FBXW11: variants seen among roughly 807,000 people sequenced by gnomAD.
FBXW11 encodes the protein F-box and WD repeat domain containing 11.
A neutral mutation model predicts 77.6 loss-of-function variants in FBXW11; 19 were observed. The ratio of observed to expected loss-of-function variants is 0.24; its 90% CI spans 0.17 to 0.36. The LOEUF (loss-of-function observed/expected upper bound fraction) is 0.36, where lower values mean the gene tolerates loss of function less well. FBXW11 is among the 10% of genes least tolerant of loss of function. The pLI is 1.00. For synonymous variants in FBXW11, 235 were observed against 249.4 expected (o/e 0.94, Z 0.54); for missense variants, 334 against 704.2 (o/e 0.47, Z 5.95).
At chr5:171,870,970 C>G (rs183819980) in intron 10 of FBXW11, 112 bp from the exon 11 acceptor site, 1 of 674,566 alleles carries the variant, frequency 1.5e-6, no homozygotes, top group Non-Finnish European at 2.6e-6. Context: ...TCTTGGAGCT[C>G]TTTATTTCTA....
intron 2 of FBXW11, among the ~76,000 whole-genome samples, chr5:171,932,133 C>T (rs1762241004): frequency 6.6e-6 from 1 of 152,140 alleles, no homozygotes; most frequent in South Asian, 2.1e-4. Flanking sequence ...CCTCAGCCTC[C>T]CAAAGTGCTG....
chr5:171,892,195 G>C (rs1166665282), intron 6 of FBXW11, among the ~76,000 whole-genome samples: 1 of 152,174 alleles, frequency 6.6e-6, no homozygotes, highest in African/African-American at 2.4e-5. Flanking sequence ...TAGTGTGCTA[G>C]GCACTGAGGA....
intron 2 of FBXW11, among the ~76,000 whole-genome samples, chr5:171,920,250 C>T (rs924617929): frequency 2.0e-5 from 3 of 152,028 alleles, no homozygotes; most frequent in Non-Finnish European, 4.4e-5. Context: ...GTGGAAGTAG[C>T]GTAAGCTTCC....
chr5:171,941,984 G>A (rs565883935), intron 2 of FBXW11, among the ~76,000 whole-genome samples: 2 of 150,872 alleles, frequency 1.3e-5, no homozygotes, highest in East Asian at 4.0e-4. Flanking sequence ...AGTTTGAAGT[G>A]TTAGGTAATA....
intron 1 of FBXW11, among the ~76,000 whole-genome samples, chr5:171,991,382 T>C (rs907945589): frequency 7.2e-5 from 11 of 152,214 alleles, no homozygotes; most frequent in African/African-American, 2.7e-4. Flanking sequence ...AGCATCTCAA[T>C]AATTCTAACA....
chr5:171,982,827 C>T (rs554993623), intron 1 of FBXW11, among the ~76,000 whole-genome samples: 2 of 152,146 alleles, frequency 1.3e-5, no homozygotes, highest in South Asian at 2.1e-4. Flanking sequence ...ACCCGAGGCA[C>T]GACTCTAATC....
At chr5:171,890,482 C>T (rs981419060) in intron 7 of FBXW11, among the ~76,000 whole-genome samples, 5 of 88,842 alleles carry the variant, frequency 5.6e-5, no homozygotes, top group Admixed American at 4.8e-4. Flanking sequence ...AGAGAGACTC[C>T]GTCTCAAAAA....
intron 2 of FBXW11, among the ~76,000 whole-genome samples, chr5:171,920,182 A>G (rs559938780): frequency 6.6e-6 from 1 of 152,126 alleles, no homozygotes; most frequent in South Asian, 2.1e-4. Context: ...AAAAAAAGAA[A>G]AGAAGAGAAA....
intron 1 of FBXW11, among the ~76,000 whole-genome samples, chr5:172,000,123 C>T (rs1408822966): frequency 1.3e-5 from 2 of 152,308 alleles, no homozygotes. Flanking sequence ...CATTCTTAAC[C>T]AACACGTTTC....
At chr5:171,882,965 G>A (rs1758623790) in intron 7 of FBXW11, among the ~76,000 whole-genome samples, 1 of 149,944 alleles carries the variant, frequency 6.7e-6, no homozygotes, top group Admixed American at 6.7e-5. Context: ...AGTCCCCAAA[G>A]TCCAATGCAT....
At chr5:171,870,287 GC>G (rs1757676182) in intron 11 of FBXW11, among the ~76,000 whole-genome samples, 1 of 152,102 alleles carries the variant, frequency 6.6e-6, no homozygotes, top group South Asian at 2.1e-4. Context: ...ATTTACAGTT[GC>G]CATTTGCTCA....
intron 3 of FBXW11, among the ~76,000 whole-genome samples, chr5:171,913,830 C>CACACACATACACACACACACACAT (rs750679659): frequency 2.4e-5 from 3 of 123,410 alleles, no homozygotes; most frequent in Admixed American, 1.7e-4. Flanking sequence ...CACACACACA[C>CACACACATACACACACACACACAT]ACACACACAC....
At chr5:171,902,466 A>G (rs1760192718) in intron 4 of FBXW11, among the ~76,000 whole-genome samples, 1 of 152,222 alleles carries the variant, frequency 6.6e-6, no homozygotes, top group South Asian at 2.1e-4. Flanking sequence ...CACATTCTGT[A>G]TACATCCTTC....
intron 1 of FBXW11, among the ~76,000 whole-genome samples, chr5:171,964,759 A>C (rs549696532): frequency 1.3e-5 from 2 of 152,354 alleles, no homozygotes; most frequent in African/African-American, 4.8e-5. Flanking sequence ...GTTAAATAAA[A>C]GTTAATTCAC....
chr5:171,899,956 C>A lies in FBXW11; in HGVS notation c.581G>T (p.Arg194Leu), dbSNP rs201379880. ...LWKKLIERMV[R>L]TDPLWKGLSE... ...AAGTCCTTTCCATAGGGGATCAGTG[C>A]GTACCATTCGTTCAATCAGCTTCTT... Residue 194 changes from arginine to leucine, a missense_variant, in exon 5 of 14, where the codon CGC becomes CTC. Physicochemically the swap from Arg to Leu is moderately radical, Grantham distance 102 (BLOSUM62 -2). Coordinates refer to ENST00000517395, the MANE Select transcript of FBXW11 (RefSeq NM_001378974.1). The A allele has an allele frequency of 4.0e-5, 64 of 1,613,692 alleles. No individual in the cohort carries two copies. The East Asian group carries it at 7.4e-4, about 19-fold the overall frequency.
intron 1 of FBXW11, among the ~76,000 whole-genome samples, chr5:171,965,512 T>C (rs117256822): frequency 0.069 from 10,064 of 146,650 alleles, 875 homozygotes; most frequent in African/African-American, 0.21. Flanking sequence ...GGCAACAGAG[T>C]GAGACTCTTG....
At chr5:171,916,950 C>A (rs1407043886) in intron 2 of FBXW11, among the ~76,000 whole-genome samples, 1 of 152,090 alleles carries the variant, frequency 6.6e-6, no homozygotes, top group African/African-American at 2.4e-5. Flanking sequence ...AATACGGAGT[C>A]TTGCTCTGTC....
At chr5:171,929,432 G>GA (rs1275831223) in intron 2 of FBXW11, among the ~76,000 whole-genome samples, 1 of 152,194 alleles carries the variant, frequency 6.6e-6, no homozygotes, top group South Asian at 2.1e-4. Flanking sequence ...ACTTGAAATT[G>GA]AAAATCACAA....
intron 1 of FBXW11, chr5:171,977,703 G>C: frequency 2.4e-6 from 1 of 423,010 alleles, no homozygotes; most frequent in Non-Finnish European, 4.7e-6. Context: ...CACATCTTAA[G>C]TAGAATGGCA....
Sources: gnomAD v4.1 joint callset for allele counts (sites outside exome capture counted in the v4.1 genomes callset) on GRCh38, gnomAD v4.1.1 for gene constraint, MANE v1.5 for transcripts, NCBI Gene and HGNC (gene_info 2026-07-23, HGNC 2026-07-21) for gene names.